The following PRDM11 variants were observed in gnomAD, a reference collection of about 807,000 sequenced individuals.
PRDM11 encodes the protein PR/SET domain 11, also known as PR domain-containing protein 11.
PRDM11 carries 20 observed loss-of-function variants against 97.8 expected under a neutral mutation model. The ratio of observed to expected loss-of-function variants is 0.20; its 90% CI spans 0.14 to 0.30. PRDM11 has a LOEUF of 0.30. Ranked by LOEUF, PRDM11 falls within the 10% of genes least tolerant of loss-of-function variation. PRDM11 has a pLI of 1.00. For missense variants in PRDM11, 1,139 were observed against 1,555.2 expected, an observed-to-expected ratio of 0.73 and a Z score of 4.50; for synonymous variants, 599 against 637.7, an observed-to-expected ratio of 0.94 and a Z score of 0.91.
intron 1 of PRDM11, among the ~76,000 whole-genome samples, chr11:45,119,604 A>G (rs1852380815): frequency 7.8e-6 from 1 of 128,652 alleles, no homozygotes; most frequent in African/African-American, 2.9e-5. Context: ...CCTGGGTGAC[A>G]GCGAGATTCT....
rs79066868 is a variant in PRDM11, at chr11:45,177,300, G to A, written c.-6-4461G>A. Among the ~76,000 whole-genome samples, 28 of 152,374 alleles carry A rather than the reference G, an allele frequency of 1.8e-4. No homozygotes were observed. In the East Asian group the frequency reaches 4.8e-3, roughly 26 times the overall value. On this transcript the variant is annotated intron_variant, in intron 1 of 7. Transcript: ENST00000683152. Reference sequence around the variant, plus strand: ...AATCTCTGCATGTGCAGACTTAGAGGAGCCAGCTGAGAGGGAGCATTGCCA... The same window carrying A: ...AATCTCTGCATGTGCAGACTTAGAGAAGCCAGCTGAGAGGGAGCATTGCCA...
chr11:45,126,403 C>G (rs1852573999), intron 1 of PRDM11, among the ~76,000 whole-genome samples: 1 of 152,014 alleles, frequency 6.6e-6, no homozygotes, highest in South Asian at 2.1e-4. Context: ...TTATTTTGCT[C>G]ATTAGTTGAT....
intron 1 of PRDM11, among the ~76,000 whole-genome samples, chr11:45,180,462 C>G (rs1364372994): frequency 6.6e-6 from 1 of 151,942 alleles, no homozygotes; most frequent in Non-Finnish European, 1.5e-5. Flanking sequence ...CCCCCCGGGC[C>G]GAGTGCGCAT....
intron 1 of PRDM11, among the ~76,000 whole-genome samples, chr11:45,158,802 C>A (rs1033968710): frequency 3.9e-5 from 6 of 152,142 alleles, no homozygotes; most frequent in Non-Finnish European, 8.8e-5. Context: ...CGGTGCCCCC[C>A]CTTCTCTAAG....
intron 1 of PRDM11, among the ~76,000 whole-genome samples, chr11:45,162,856 G>A (rs1329269564): frequency 3.3e-5 from 5 of 152,190 alleles, no homozygotes; most frequent in African/African-American, 9.7e-5. Flanking sequence ...TAAATGTGTC[G>A]AATAAATAAT....
chr11:45,102,623 G>GC (rs35446039), intron 1 of PRDM11, among the ~76,000 whole-genome samples: 2 of 152,022 alleles, frequency 1.3e-5, no homozygotes, highest in Non-Finnish European at 2.9e-5. Flanking sequence ...ATTAGGTCCA[G>GC]CCCCCCTTGC....
intron 1 of PRDM11, among the ~76,000 whole-genome samples, chr11:45,157,814 G>T (rs192849500): frequency 6.6e-6 from 1 of 152,230 alleles, no homozygotes; most frequent in Non-Finnish European, 1.5e-5. Context: ...CTGCAGGAAC[G>T]TGGACTGGTG....
In PRDM11 at chr11:45,101,567, A is replaced by AAAGAAGAAG. The variant is rs1554963213; in HGVS notation, c.96+5691_96+5699dup. Among the ~76,000 whole-genome samples the AAAGAAGAAG allele has an allele frequency of 1.9e-3, 183 of 96,492 alleles. 4 individuals carry two copies. Among genetic ancestry groups the AAAGAAGAAG allele is most frequent in the Middle Eastern group, 5.8e-3 (1 of 172 alleles). 63.3% of individuals were successfully genotyped at this position (96,492 alleles called of 152,430 possible). On this transcript the variant is annotated intron_variant, in intron 1 of 6. Transcript: ENST00000530656. ...CAACACTCTGTCTCAAAAAAAAAAA[A>AAAGAAGAAG]AAGAAGAAGAAGAAGAAGAAGAAGA... is the stretch of plus-strand genomic sequence containing the variant.
chr11:45,127,768 G>A (rs1012097032), intron 1 of PRDM11, among the ~76,000 whole-genome samples: 4 of 152,238 alleles, frequency 2.6e-5, no homozygotes, highest in African/African-American at 4.8e-5. Context: ...CCCCTACCGG[G>A]GGGTGCCTCC....
intron 1 of PRDM11, among the ~76,000 whole-genome samples, chr11:45,106,329 G>A (rs1236340684): frequency 1.3e-5 from 2 of 152,176 alleles, no homozygotes; most frequent in African/African-American, 4.8e-5. Flanking sequence ...TGGAGGCCCT[G>A]CCACCTCTTG....
At chr11:45,098,573 GGCAGA>G (rs1851922832) in intron 1 of PRDM11, among the ~76,000 whole-genome samples, 1 of 152,188 alleles carries the variant, frequency 6.6e-6, no homozygotes, top group Non-Finnish European at 1.5e-5. Context: ...GCTATGAGGA[GGCAGA>G]GCTGGGATTT....
At chr11:45,133,548 A>T (rs1852766319) in intron 1 of PRDM11, among the ~76,000 whole-genome samples, 1 of 152,148 alleles carries the variant, frequency 6.6e-6, no homozygotes, top group African/African-American at 2.4e-5. Context: ...CCTGACCCAG[A>T]TTTTTTTAGT....
At chr11:45,110,124 A>G (rs914750043) in intron 1 of PRDM11, among the ~76,000 whole-genome samples, 1 of 152,150 alleles carries the variant, frequency 6.6e-6, no homozygotes, top group Non-Finnish European at 1.5e-5. Context: ...GCGTGCAAAC[A>G]CCCCTGGGAG....
At chr11:45,179,877 G>A (rs1852424509) in intron 1 of PRDM11, among the ~76,000 whole-genome samples, 1 of 152,244 alleles carries the variant, frequency 6.6e-6, no homozygotes. Flanking sequence ...TCCACCCCAG[G>A]ATGTATGGTG....
intron 1 of PRDM11, among the ~76,000 whole-genome samples, chr11:45,108,383 G>C (rs1852101755): frequency 6.6e-6 from 1 of 152,228 alleles, no homozygotes; most frequent in Admixed American, 6.5e-5. Flanking sequence ...TCAAGTACCA[G>C]GCCAGGTCTG....
intron 1 of PRDM11, among the ~76,000 whole-genome samples, chr11:45,134,424 G>A (rs1433355725): frequency 6.6e-6 from 1 of 152,102 alleles, no homozygotes; most frequent in Admixed American, 6.5e-5. Context: ...TAGCAGACAG[G>A]TGTGGAGGCA....
At chr11:45,184,046 A>G (rs1304805464) in intron 4 of PRDM11, among the ~76,000 whole-genome samples, 3 of 152,254 alleles carry the variant, frequency 2.0e-5, no homozygotes, top group Non-Finnish European at 4.4e-5. Context: ...GGGAGGTAAT[A>G]TGGGTAGAGG....
In PRDM11 at chr11:45,192,400, A is replaced by G. The variant is rs77883439; in HGVS notation, c.486+9277A>G. On this transcript the variant is annotated intron_variant, in intron 4 of 7. Coordinates refer to ENST00000683152, the MANE Select transcript of PRDM11 (RefSeq NM_001384648.1). ...AGATTCTGAATATCAGAAGCATTAAATGGGCTCAGCTTGTGTAGCTGTTTT... is the reference window on the plus strand; with the variant it reads ...AGATTCTGAATATCAGAAGCATTAAGTGGGCTCAGCTTGTGTAGCTGTTTT... 7.1e-3 allele frequency among the ~76,000 whole-genome samples: 1,084 copies of G among 152,342 alleles called. 11 individuals are homozygous for G. The highest frequency in any genetic ancestry group is 0.025 in the African/African-American group (1,034 of 41,568).
At chr11:45,207,938 T>G (rs1853574580) in intron 5 of PRDM11, among the ~76,000 whole-genome samples, 1 of 152,210 alleles carries the variant, frequency 6.6e-6, no homozygotes, top group Non-Finnish European at 1.5e-5. Context: ...GTGGATTTTT[T>G]CACCTTTTAT....
Sources: allele counts gnomAD v4.1 joint callset (sites outside exome capture counted in the v4.1 genomes callset), GRCh38; gene constraint gnomAD v4.1.1; transcripts MANE v1.5; gene names NCBI Gene and HGNC (gene_info 2026-07-23, HGNC 2026-07-21).